FBLN7: variants seen among roughly 807,000 people sequenced by gnomAD.
FBLN7 encodes fibulin 7, also known as fibulin-7.
A neutral mutation model predicts 44.0 loss-of-function variants in FBLN7; 31 were observed. That is an observed-to-expected ratio of 0.70 (90% CI 0.53 to 0.95). The LOEUF (loss-of-function observed/expected upper bound fraction) is 0.95. FBLN7 is among the 40% of genes least tolerant of loss of function. The pLI, the probability that FBLN7 is intolerant of heterozygous loss-of-function variation, is 0.00. For missense variants in FBLN7, 573 were observed against 618.5 expected (o/e 0.93, Z 0.78); for synonymous variants, 262 against 253.4 (o/e 1.03, Z -0.32).
At chr2:112,194,403 C>G in the FBLN7 span, among the ~76,000 whole-genome samples, 1 of 152,182 alleles carries the variant, frequency 6.6e-6, no homozygotes, top group East Asian at 1.9e-4. Context: ...CCTCATATCT[C>G]TCCTTGGGCA....
intron 2 of FBLN7, among the ~76,000 whole-genome samples, chr2:112,160,728 GCACGCACA>G (rs1228160780): frequency 7.0e-5 from 8 of 114,548 alleles, no homozygotes; most frequent in East Asian, 4.8e-4. Context: ...ACGCGCACAC[GCACGCACA>G]CGCACACACG....
intron 3 of FBLN7, 118 bp from the exon 4 acceptor site, chr2:112,175,596 T>C: frequency 7.5e-7 from 1 of 1,336,526 alleles, no homozygotes; most frequent in East Asian, 2.4e-5. Flanking sequence ...TGGGGTCAGG[T>C]AGAAAGTGGG....
At chr2:112,170,755 A>G (rs539482344) in intron 3 of FBLN7, among the ~76,000 whole-genome samples, 1 of 152,378 alleles carries the variant, frequency 6.6e-6, no homozygotes, top group South Asian at 2.1e-4. Context: ...AGCCCAATAA[A>G]CAGGGTTAAG....
chr2:112,150,860 T>G (rs1402378213), intron 1 of FBLN7, among the ~76,000 whole-genome samples: 1 of 152,064 alleles, frequency 6.6e-6, no homozygotes, highest in African/African-American at 2.4e-5. Flanking sequence ...CACTGCCACT[T>G]AGCTCACCAA....
rs529903890 is a variant in FBLN7, at chr2:112,157,989, C to T, written c.76-1687C>T. On this transcript the variant is annotated intron_variant, in intron 1 of 7. Coordinates refer to ENST00000331203, the MANE Select transcript of FBLN7 (RefSeq NM_153214.3). ...TCGGCTCACTGCAGGCTCTGCCCCC[C>T]GGGGTTCACGCCATTCTCCTGCCTC... Among the ~76,000 whole-genome samples the T allele has an allele frequency of 4.0e-5, 6 of 151,840 alleles. No homozygotes were observed. In the South Asian group the frequency reaches 6.3e-4, roughly 16 times the overall value.
downstream of FBLN7, chr2:112,189,663 C>G (rs1319377057): frequency 3.9e-5 from 6 of 152,158 alleles, no homozygotes; most frequent in Non-Finnish European, 8.8e-5. Flanking sequence ...TGCAAAGTTG[C>G]AAACATATGC....
At chr2:112,159,191 G>GTTT (rs5833433) in intron 1 of FBLN7, among the ~76,000 whole-genome samples, 5 of 147,448 alleles carry the variant, frequency 3.4e-5, no homozygotes, top group African/African-American at 1.2e-4. Context: ...ACTCTAGTGA[G>GTTT]TTTTTTTTTT....
chr2:112,159,225 T>C (rs1371818386), intron 1 of FBLN7, among the ~76,000 whole-genome samples: 2 of 152,048 alleles, frequency 1.3e-5, no homozygotes, highest in Admixed American at 6.6e-5. Flanking sequence ...GTTATATGTC[T>C]TTAAAGAATA....
chr2:112,243,228 T>C, the FBLN7 span, among the ~76,000 whole-genome samples: 1 of 152,332 alleles, frequency 6.6e-6, no homozygotes, highest in East Asian at 1.9e-4. Flanking sequence ...CAGAAGTGTT[T>C]TTTCAGACTT....
intron 4 of FBLN7, among the ~76,000 whole-genome samples, chr2:112,179,519 G>T (rs1466318471): frequency 1.3e-5 from 2 of 152,086 alleles, no homozygotes; most frequent in African/African-American, 4.8e-5. Flanking sequence ...AACCCAAAAA[G>T]ATCCTGAATA....
downstream of FBLN7, among the ~76,000 whole-genome samples, chr2:112,190,852 T>G (rs1226979334): frequency 6.6e-6 from 1 of 152,216 alleles, no homozygotes; most frequent in East Asian, 1.9e-4. Context: ...ACATCATAGT[T>G]TCTTGGCTTT....
the FBLN7 span, among the ~76,000 whole-genome samples, chr2:112,208,266 T>C: frequency 1.3e-5 from 2 of 152,138 alleles, no homozygotes; most frequent in Admixed American, 1.3e-4. Context: ...CTGGGCATGG[T>C]GGCAGGTGCC....
the FBLN7 span, among the ~76,000 whole-genome samples, chr2:112,238,909 C>T: frequency 1.3e-5 from 2 of 152,190 alleles, no homozygotes; most frequent in Non-Finnish European, 2.9e-5. Context: ...TTTGCATTGA[C>T]AGTACTTTTA....
chr2:112,158,834 C>T (rs185149929), intron 1 of FBLN7, among the ~76,000 whole-genome samples: 1 of 152,238 alleles, frequency 6.6e-6, no homozygotes, highest in Non-Finnish European at 1.5e-5. Context: ...CTTGACCACC[C>T]AAAGTGCTGG....
intron 1 of FBLN7, among the ~76,000 whole-genome samples, chr2:112,150,066 C>T (rs1032279269): frequency 2.0e-5 from 3 of 152,158 alleles, no homozygotes; most frequent in African/African-American, 4.8e-5. Context: ...GGAAAGTCCC[C>T]GAGCCACCCT....
chr2:112,182,019 G>C, intron 5 of FBLN7, 143 bp downstream of exon 5: 1 of 1,053,190 alleles, frequency 9.5e-7, no homozygotes, highest in Non-Finnish European at 1.3e-6. Flanking sequence ...TGCATTATAG[G>C]TAAGTGTTGA....
chr2:112,197,268 CACACACAGAGAGAGAGAGAGAG>C, the FBLN7 span, among the ~76,000 whole-genome samples: 8 of 128,878 alleles, frequency 6.2e-5, no homozygotes, highest in African/African-American at 2.4e-4. Context: ...CACACACACA[CACACACAGAGAGAGAGAGAGAG>C]AGAGAGAGAG....
chr2:112,182,950 C>T (rs535390766), intron 6 of FBLN7, 22 bp downstream of exon 6: 20 of 1,608,586 alleles, frequency 1.2e-5, no homozygotes, highest in African/African-American at 2.7e-5. Flanking sequence ...TACAGAGTGT[C>T]GTCTGCACCC....
chr2:112,181,857 C>T lies in FBLN7; in HGVS notation c.651C>T (p.Ala217=). 1 of 1,529,166 alleles carries T rather than the reference C, an allele frequency of 6.5e-7. No individual in the cohort carries two copies. Among genetic ancestry groups the T allele is most frequent in the Non-Finnish European group, 8.7e-7 (1 of 1,143,626 alleles). 94.7% of individuals were successfully genotyped at this position (1,529,166 alleles called of 1,614,324 possible). The part of the protein sequence containing the change: ...CEAGFHLSGA[A]GDSVCQDVNE... ...CCGGATTCCACCTGAGCGGCGCCGC[C>T]GGCGACAGCGTCTGCCAGGGTAGGC... Residue 217 remains alanine, a synonymous_variant, in exon 5 of 8, where the codon GCC becomes GCT. Transcript: ENST00000331203.
Sources: allele counts gnomAD v4.1 joint callset (sites outside exome capture counted in the v4.1 genomes callset), GRCh38; gene constraint gnomAD v4.1.1; transcripts MANE v1.5; gene names NCBI Gene and HGNC (gene_info 2026-07-23, HGNC 2026-07-21).